The following SLC23A3 variants were observed in gnomAD, a reference collection of about 807,000 sequenced individuals.
The protein encoded by SLC23A3 is E2-binding protein 3.
SLC23A3 carries 41 observed loss-of-function variants against 64.7 expected under a neutral mutation model. That is an observed-to-expected ratio of 0.63 (90% CI 0.49 to 0.82). SLC23A3 has a LOEUF of 0.82. Among genes scored for constraint, SLC23A3 ranks in the 40% least tolerant of loss-of-function variants. SLC23A3 has a pLI of 0.00. For missense variants in SLC23A3, 647 were observed against 733.4 expected (o/e 0.88, Z 1.36); for synonymous variants, 281 against 306.8 (o/e 0.92, Z 0.88).
chr2:219,163,337 G>A, intron 10 of SLC23A3, 51 bp downstream of exon 10: 1 of 1,586,444 alleles, frequency 6.3e-7, no homozygotes, highest in Non-Finnish European at 8.6e-7. Flanking sequence ...GCAGCCTGAA[G>A]CCTCAACTTG....
chr2:219,165,001 G>A, intron 8 of SLC23A3, 168 bp downstream of exon 8: 1 of 856,572 alleles, frequency 1.2e-6, no homozygotes, highest in Non-Finnish European at 1.7e-6. Context: ...GTGGTGATTT[G>A]TTCACTTCCC....
chr2:219,164,979 C>G, intron 8 of SLC23A3, 190 bp downstream of exon 8: 2 of 704,252 alleles, frequency 2.8e-6, no homozygotes, highest in South Asian at 4.2e-5. Flanking sequence ...GTGCCTCATG[C>G]ACAGGAGTTC....
At position 219,168,804 on chromosome 2, in the gene SLC23A3, C is replaced by G. The variant is rs1950031539; in HGVS notation, c.522G>C (p.Leu174=). The part of the protein sequence containing the change: ...EVSGAVVVSG[L]LQGMMGLLGS... ...CCAGCAGCCCCATCATGCCCTGCAG[C>G]AGCCCAGATACTACCACTGCCCCGG... Residue 174 remains leucine (L), a synonymous_variant, in exon 5 of 12, where the codon CTG becomes CTC. Transcript: ENST00000409878. The G allele has an allele frequency of 6.3e-7, 1 of 1,599,572 alleles. No homozygotes were observed. Among genetic ancestry groups the G allele is most frequent in the African/African-American group, 1.3e-5 (1 of 74,778 alleles).
intron 7 of SLC23A3, among the ~76,000 whole-genome samples, chr2:219,167,321 A>G (rs1950013134): frequency 6.6e-6 from 1 of 152,232 alleles, no homozygotes; most frequent in Admixed American, 6.5e-5. Context: ...AATGCCTCAA[A>G]AGCAATCTTT....
Position 219,169,052 on chromosome 2 carries a change from G to T in SLC23A3, c.469C>A (p.His157Asn). ...ACCTCCTGGAGAGAAGTGTTCCAGT[G>T]CCCCAGGCCATGGCAGCTAGGTCCC... ...CRGPSCHGLG[H>N]WNTSLQEVSG... Residue 157 changes from histidine to asparagine, a missense_variant, in exon 4 of 12, where the codon CAC becomes AAC. Physicochemically the swap from His to Asn is moderately conservative, Grantham distance 68. Transcript: ENST00000409878. This position sits in a 1 kb window ranked among gnomAD's most constrained non-coding sequence, Gnocchi z 4.5. 6.2e-7 allele frequency: 1 copy of T among 1,614,072 alleles called. No homozygotes were observed. Among genetic ancestry groups the T allele is most frequent in the Non-Finnish European group, 8.5e-7 (1 of 1,179,988 alleles).
rs1015833476 is a variant in SLC23A3, at chr2:219,161,611, C to T, written c.*298G>A. The stretch of plus-strand genomic sequence containing the variant: ...ATCCCTGTAGTTCCAGGACCTTGCA[C>T]ATGGGAGATGCTCAGTAAGTATTAA... On this transcript the variant is annotated 3_prime_UTR_variant, in exon 12 of 12. Coordinates refer to ENST00000409878, the MANE Select transcript of SLC23A3 (RefSeq NM_001144889.2). 13 of 269,278 alleles carry T rather than the reference C, an allele frequency of 4.8e-5. No homozygotes were observed. The highest frequency in any genetic ancestry group is 3.9e-4 in the Admixed American group (8 of 20,336). 16.7% of individuals were successfully genotyped at this position (269,278 alleles called of 1,614,324 possible).
chr2:219,168,079 C>A (rs1360500604), intron 6 of SLC23A3, 35 bp from the exon 7 acceptor site: 1 of 1,566,746 alleles, frequency 6.4e-7, no homozygotes, highest in Non-Finnish European at 8.6e-7. Flanking sequence ...ACTCCTCCCC[C>A]AGAACCTTCT....
At chr2:219,168,088 C>G in intron 6 of SLC23A3, 44 bp from the exon 7 acceptor site, 1 of 1,567,360 alleles carries the variant, frequency 6.4e-7, no homozygotes, top group Non-Finnish European at 8.6e-7. Context: ...CCAGAACCTT[C>G]TGAGCCAGCC....
rs757542324 is a variant in SLC23A3 at position 219,161,956 on chromosome 2, C to T, written c.1786G>A (p.Glu596Lys). ...EMADLLPGSG[E>K]PCPESSREGF... ...TCTCTGCTAGATTCAGGGCATGGCT[C>T]CCCTGAGCCAGGCAGCAAGTCTGCC... Residue 596 changes from glutamate to lysine, a missense_variant, in exon 12 of 12, where the codon GAG becomes AAG. Physicochemically the swap from Glu to Lys is moderately conservative, Grantham distance 56. Coordinates refer to ENST00000409878, the MANE Select transcript of SLC23A3 (RefSeq NM_001144889.2). The T allele has an allele frequency of 6.2e-7, 1 of 1,607,846 alleles. No homozygotes were observed.
intron 9 of SLC23A3, among the ~76,000 whole-genome samples, chr2:219,163,804 G>A (rs1178104599): frequency 2.0e-5 from 3 of 152,124 alleles, no homozygotes; most frequent in South Asian, 2.1e-4. Context: ...GGATTCAAGC[G>A]ATTTCTCCTG....
Position 219,168,213 on chromosome 2 carries a change from A to T in SLC23A3, c.780T>A (p.Pro260=). Residue 260 remains proline, a synonymous_variant, in exon 6 of 12, where the codon CCT becomes CCA. Coordinates refer to ENST00000409878, the MANE Select transcript of SLC23A3 (RefSeq NM_001144889.2). ...ASTSSTHTPL[P]VFRLLSVLIP... ...CACATACCGAAAGGAGCCGGAAGAC[A>T]GGGAGAGGAGTGTGAGTTGATGACG... is the stretch of plus-strand genomic sequence containing the variant. The T allele has an allele frequency of 6.2e-7, 1 of 1,614,068 alleles. No individual in the cohort carries two copies. The highest frequency in any genetic ancestry group is 8.5e-7 in the Non-Finnish European group (1 of 1,179,952).
Position 219,169,985 on chromosome 2 carries a change from G to C in SLC23A3, c.-1C>G. 1.2e-6 allele frequency: 2 copies of C among 1,613,706 alleles called. No homozygotes were observed. The highest frequency in any genetic ancestry group is 1.7e-6 in the Non-Finnish European group (2 of 1,179,894). On this transcript the variant is annotated 5_prime_UTR_variant, in exon 1 of 12. Coordinates refer to ENST00000409878, the MANE Select transcript of SLC23A3 (RefSeq NM_001144889.2). This position sits in a 1 kb window ranked among gnomAD's most constrained non-coding sequence, Gnocchi z 4.5. ...TGGGATTGAGGGGTGATCGGCTCAT[G>C]CTGCCTTGCCTTTCGCTTTGTCTTG... is the stretch of plus-strand genomic sequence containing the variant.
intron 10 of SLC23A3, 48 bp downstream of exon 10, chr2:219,163,340 T>G (rs770927356): frequency 1.3e-5 from 21 of 1,593,110 alleles, no homozygotes; most frequent in Non-Finnish European, 1.7e-5. Context: ...GCCTGAAGCC[T>G]CAACTTGCTT....
Position 219,169,841 on chromosome 2 carries a change from G to A in SLC23A3, c.144C>T (p.Ser48=), listed in dbSNP as rs184947518. The A allele has an allele frequency of 5.0e-5, 81 of 1,606,848 alleles. No homozygotes were observed. Among genetic ancestry groups the A allele is most frequent in the Non-Finnish European group, 6.3e-5 (74 of 1,177,134 alleles). ...CTCCTACCTGCAGAGCCAGAAGACA[G>A]CTGAGGCCCCAAGGCAGAGATCCAC... ...PLCGSLPWGL[S]CLLALQHVLV... Residue 48 remains serine (S), a synonymous_variant, in exon 1 of 12, where the codon AGC becomes AGT. Transcript: ENST00000409878. The surrounding 1 kb of genome is among the most constrained non-coding windows in gnomAD (Gnocchi z 4.5).
At chr2:219,167,885 T>C (rs1440142903) in intron 7 of SLC23A3, 45 bp downstream of exon 7, 3 of 1,374,086 alleles carry the variant, frequency 2.2e-6, no homozygotes, top group South Asian at 2.6e-5. Flanking sequence ...TTCAAATAGA[T>C]ACCTTTATTT....
chr2:219,165,452 C>T, intron 7 of SLC23A3, 30 bp from the exon 8 acceptor site: 1 of 1,535,790 alleles, frequency 6.5e-7, no homozygotes, highest in African/African-American at 1.4e-5. Flanking sequence ...CACTTTGGGG[C>T]CAGACTCAAG....
At chr2:219,164,096 A>G in intron 9 of SLC23A3, 137 bp downstream of exon 9, 1 of 574,398 alleles carries the variant, frequency 1.7e-6, no homozygotes, top group East Asian at 3.1e-5. Context: ...ACATGCTCAT[A>G]TCCATCCATC....
Position 219,165,235 on chromosome 2 carries a change from C to A in SLC23A3, c.1101G>T (p.Gly367=). Residue 367 remains glycine, a synonymous_variant, in exon 8 of 12, where the codon GGG becomes GGT. Coordinates refer to ENST00000409878, the MANE Select transcript of SLC23A3 (RefSeq NM_001144889.2). The stretch of plus-strand genomic sequence containing the variant: ...CAGTGCCCATGGGGCTTCCCAGCAG[C>A]CCGGCCAGCACACTGCCCAGCCCCT... The part of the protein sequence containing the change: ...SLEGLGSVLA[G]LLGSPMGTAS... 4 of 1,551,702 alleles carry A rather than the reference C, an allele frequency of 2.6e-6. No individual in the cohort carries two copies. The highest frequency in any genetic ancestry group is 3.5e-6 in the Non-Finnish European group (4 of 1,147,022).
rs765666597 is a variant in SLC23A3 at position 219,169,547 on chromosome 2, G to A, written c.294C>T (p.Thr98=). 3 of 1,614,068 alleles carry A rather than the reference G, an allele frequency of 1.9e-6. No individual in the cohort carries two copies. The highest frequency in any genetic ancestry group is 1.7e-6 in the Non-Finnish European group (2 of 1,180,050). Residue 98 remains threonine (T), a synonymous_variant, in exon 2 of 12, where the codon ACC becomes ACT. Transcript: ENST00000409878. This position sits in a 1 kb window ranked among gnomAD's most constrained non-coding sequence, Gnocchi z 4.5. Reference sequence around the variant, plus strand: ...TGCTGCCCATCCAAGTTTGCAGGATGGTAGACATACCACATGAAAAGAAGC... The same window carrying A: ...TGCTGCCCATCCAAGTTTGCAGGATAGTAGACATACCACATGAAAAGAAGC... ...ASSFFSCGMS[T]ILQTWMGSRL...
Sources: gnomAD v4.1 joint callset for allele counts (sites outside exome capture counted in the v4.1 genomes callset) on GRCh38, gnomAD v4.1.1 for gene constraint, Gnocchi (gnomAD v3.1) non-coding constraint, MANE v1.5 for transcripts, NCBI Gene and HGNC (gene_info 2026-07-23, HGNC 2026-07-21) for gene names.